The following COL23A1 variants were observed in gnomAD, a reference collection of about 807,000 sequenced individuals.
COL23A1 encodes collagen alpha-1(XXIII) chain.
In COL23A1, 97 loss-of-function variants were observed where a neutral mutation model predicts 99.3. The observed-to-expected ratio is 0.98, with a 90% CI of 0.83 to 1.16. The LOEUF is 1.16. Among genes scored for constraint, COL23A1 ranks in the 50% most tolerant of loss-of-function variants. The probability of loss-of-function intolerance (pLI) is 0.00; values close to 1 mark genes in which losing one functional copy is unlikely to be tolerated. For synonymous variants in COL23A1, 320 were observed against 308.2 expected (o/e 1.04, Z -0.40); for missense variants, 762 against 757.4 (o/e 1.01, Z -0.07).
intron 25 of COL23A1, 91 bp from the exon 26 acceptor site, chr5:178,242,485 C>T (rs1027908539): frequency 8.5e-5 from 110 of 1,294,958 alleles, no homozygotes; most frequent in Non-Finnish European, 1.0e-4. Context: ...CCCATCCACA[C>T]GCCCACTTTC....
At position 178,246,432 on chromosome 5, in the gene COL23A1, C is replaced by T. The variant is rs1239346496; in HGVS notation, c.1318G>A (p.Glu440Lys). Residue 440 changes from glutamate (E) to lysine (K), a missense_variant, in exon 23 of 29, where the codon GAG becomes AAG. Physicochemically the swap from Glu to Lys is moderately conservative, Grantham distance 56. Coordinates refer to ENST00000390654, the MANE Select transcript of COL23A1 (RefSeq NM_173465.4). ...GPKGLDGAKGEKGASGERGPS... is the reference protein window; with the variant it reads ...GPKGLDGAKGKKGASGERGPS... ...CCTCTCTCACCCGACGCACCCTTCT[C>T]TCCCTTTGCTCCATCCAAGCCCTGG... The T allele has an allele frequency of 6.4e-7, 1 of 1,574,342 alleles. No individual in the cohort carries two copies. Among genetic ancestry groups the T allele is most frequent in the South Asian group, 1.2e-5 (1 of 85,682 alleles).
intron 2 of COL23A1, among the ~76,000 whole-genome samples, chr5:178,486,991 C>T (rs1334790586): frequency 6.6e-6 from 1 of 152,242 alleles, no homozygotes; most frequent in Non-Finnish European, 1.5e-5. Context: ...AAACTGGACG[C>T]TCTCTATCCA....
At chr5:178,529,400 G>A (rs1007268745) in intron 2 of COL23A1, among the ~76,000 whole-genome samples, 3 of 152,188 alleles carry the variant, frequency 2.0e-5, no homozygotes, top group South Asian at 4.1e-4. Context: ...TGCACGTGGC[G>A]TGACCATCAG....
chr5:178,360,841 G>A (rs537090362), intron 2 of COL23A1, among the ~76,000 whole-genome samples: 72 of 152,312 alleles, frequency 4.7e-4, no homozygotes, highest in Non-Finnish European at 8.8e-4. Flanking sequence ...GTCCCTGGGC[G>A]GGCCAACAGA....
At chr5:178,271,924 T>C (rs1355342690) in intron 5 of COL23A1, among the ~76,000 whole-genome samples, 2 of 152,196 alleles carry the variant, frequency 1.3e-5, no homozygotes, top group Non-Finnish European at 2.9e-5. Flanking sequence ...GTGCCTCTCA[T>C]AGGCCCCTGA....
Position 178,567,715 on chromosome 5 carries a change from C to T in COL23A1, c.295-6967G>A, listed in dbSNP as rs151126293. ...CACTGCACTCCAGCCTGAAAACCAACCTGAAAGAGCTTAGAATGGCCAAAG... is the reference window on the plus strand; with the variant it reads ...CACTGCACTCCAGCCTGAAAACCAATCTGAAAGAGCTTAGAATGGCCAAAG... On this transcript the variant is annotated intron_variant, in intron 1 of 28. Coordinates refer to ENST00000390654, the MANE Select transcript of COL23A1 (RefSeq NM_173465.4). Among the ~76,000 whole-genome samples the T allele has an allele frequency of 4.8e-3, 730 of 152,192 alleles. 12 individuals carry two copies. Among genetic ancestry groups the T allele is most frequent in the African/African-American group, 0.017 (708 of 41,520 alleles).
intron 2 of COL23A1, among the ~76,000 whole-genome samples, chr5:178,542,097 C>T (rs1390115773): frequency 6.6e-6 from 1 of 152,184 alleles, no homozygotes; most frequent in East Asian, 1.9e-4. Flanking sequence ...AATCTTGGCT[C>T]ACTGCAACCT....
At chr5:178,336,413 G>A (rs1760319377) in intron 2 of COL23A1, among the ~76,000 whole-genome samples, 1 of 152,210 alleles carries the variant, frequency 6.6e-6, no homozygotes, top group Non-Finnish European at 1.5e-5. Context: ...CCATAAAAAG[G>A]AATGAAGTAC....
At chr5:178,570,671 C>G (rs1401022803) in intron 1 of COL23A1, among the ~76,000 whole-genome samples, 5 of 152,178 alleles carry the variant, frequency 3.3e-5, no homozygotes, top group Non-Finnish European at 5.9e-5. Context: ...ATGCTAGGGA[C>G]AGGCAGGCAA....
chr5:178,358,564 A>ATG (rs1761967196), intron 2 of COL23A1, among the ~76,000 whole-genome samples: 1 of 132,846 alleles, frequency 7.5e-6, no homozygotes, highest in South Asian at 2.3e-4. Flanking sequence ...GTACGTGTGT[A>ATG]TGTCTAATGT....
intron 9 of COL23A1, among the ~76,000 whole-genome samples, chr5:178,262,547 T>C (rs1167572461): frequency 1.3e-5 from 2 of 152,018 alleles, no homozygotes; most frequent in African/African-American, 4.8e-5. Flanking sequence ...GGTGGCAGTC[T>C]GGTGGTGGCA....
At chr5:178,534,972 CTTTTTT>C (rs35460582) in intron 2 of COL23A1, among the ~76,000 whole-genome samples, 1 of 130,090 alleles carries the variant, frequency 7.7e-6, no homozygotes, top group South Asian at 2.5e-4. Context: ...TTTCCTTTTT[CTTTTTT>C]TTTTTTTTTT....
At chr5:178,253,808 C>T (rs967678350) in intron 16 of COL23A1, among the ~76,000 whole-genome samples, 2 of 152,110 alleles carry the variant, frequency 1.3e-5, no homozygotes, top group Non-Finnish European at 2.9e-5. Context: ...ACATCATGCC[C>T]TGCATGGACT....
chr5:178,555,177 T>C (rs963885607), intron 2 of COL23A1, among the ~76,000 whole-genome samples: 1 of 152,132 alleles, frequency 6.6e-6, no homozygotes, highest in Non-Finnish European at 1.5e-5. Flanking sequence ...TCTCCTTTTA[T>C]TACAGGGACA....
At chr5:178,498,220 AT>A (rs1470946511) in intron 2 of COL23A1, among the ~76,000 whole-genome samples, 11 of 43,922 alleles carry the variant, frequency 2.5e-4, no homozygotes, top group African/African-American at 1.8e-3. Flanking sequence ...ATATATATAT[AT>A]ATATATATAT....
chr5:178,478,221 A>G (rs1206570595), intron 2 of COL23A1, among the ~76,000 whole-genome samples: 2 of 152,168 alleles, frequency 1.3e-5, no homozygotes, highest in African/African-American at 4.8e-5. Context: ...GTGAGATGGG[A>G]AGATGCCATC....
chr5:178,323,030 T>C (rs1759433484), intron 2 of COL23A1, among the ~76,000 whole-genome samples: 2 of 151,978 alleles, frequency 1.3e-5, no homozygotes, highest in African/African-American at 4.8e-5. Context: ...GGAGGGAGGC[T>C]AAGCAGGACG....
intron 2 of COL23A1, among the ~76,000 whole-genome samples, chr5:178,449,308 C>T (rs4976725): frequency 0.92 from 139,706 of 152,228 alleles, 64,167 homozygotes; most frequent in East Asian, 1. Flanking sequence ...ACGTCTGCCG[C>T]TGGGAAATGG....
chr5:178,554,513 G>A (rs1390525085), intron 2 of COL23A1, among the ~76,000 whole-genome samples: 1 of 152,136 alleles, frequency 6.6e-6, no homozygotes, highest in Non-Finnish European at 1.5e-5. Context: ...CAACCCTTTG[G>A]TTACACCTTT....
Sources: gnomAD v4.1 joint callset for allele counts (sites outside exome capture counted in the v4.1 genomes callset) on GRCh38, gnomAD v4.1.1 for gene constraint, MANE v1.5 for transcripts, NCBI Gene and HGNC (gene_info 2026-07-23, HGNC 2026-07-21) for gene names.